Variants in DLG2 observed in about 807,000 individuals in gnomAD.
DLG2 encodes discs large MAGUK scaffold protein 2.
Under a neutral mutation model 132.5 loss-of-function variants are expected in DLG2, and 45 were observed. That is an observed-to-expected ratio of 0.34 (90% CI 0.27 to 0.44). The LOEUF is 0.44. Ranked by LOEUF, DLG2 falls within the 20% of genes least tolerant of loss-of-function variation. The pLI, the probability that DLG2 is intolerant of heterozygous loss-of-function variation, is 1.00. For missense variants in DLG2, 1,045 were observed against 1,196.9 expected, an observed-to-expected ratio of 0.87 and a Z score of 1.87; for synonymous variants, 424 against 419.6, an observed-to-expected ratio of 1.01 and a Z score of -0.13.
intron 9 of DLG2, among the ~76,000 whole-genome samples, chr11:84,139,633 C>T (rs959860319): frequency 6.6e-6 from 1 of 152,048 alleles, no homozygotes; most frequent in Admixed American, 6.6e-5. Context: ...TTATTATCAT[C>T]CCTGCTGTAC....
intron 7 of DLG2, chr11:84,273,089 C>T (rs1369900976): frequency 1.5e-6 from 2 of 1,339,468 alleles, no homozygotes; most frequent in Non-Finnish European, 2.0e-6. Flanking sequence ...ATAGATACAA[C>T]AGGAGAAAAA....
At chr11:85,408,868 T>A (rs2089045923) in intron 3 of DLG2, among the ~76,000 whole-genome samples, 1 of 151,806 alleles carries the variant, frequency 6.6e-6, no homozygotes, top group Admixed American at 6.6e-5. Context: ...CGTGTGCATG[T>A]GTCTTTATAG....
intron 7 of DLG2, among the ~76,000 whole-genome samples, chr11:84,302,359 C>T (rs2098165421): frequency 6.6e-6 from 1 of 152,042 alleles, no homozygotes; most frequent in African/African-American, 2.4e-5. Flanking sequence ...ATGATGTCAA[C>T]AAGAAAAATA....
chr11:83,721,560 C>G (rs2088565577), intron 18 of DLG2, among the ~76,000 whole-genome samples: 1 of 152,206 alleles, frequency 6.6e-6, no homozygotes, highest in Non-Finnish European at 1.5e-5. Flanking sequence ...GTAAAGCATA[C>G]TTGTTTTGCC....
chr11:85,142,940 T>A (rs1174797376), intron 5 of DLG2, among the ~76,000 whole-genome samples: 2 of 151,780 alleles, frequency 1.3e-5, no homozygotes, highest in Non-Finnish European at 3.0e-5. Context: ...TAATTTGTTA[T>A]TGAATTTGGT....
intron 7 of DLG2, among the ~76,000 whole-genome samples, chr11:84,468,712 T>TAA (rs563437788): frequency 2.0e-5 from 3 of 151,496 alleles, no homozygotes; most frequent in African/African-American, 7.3e-5. Context: ...CTTACTTAGG[T>TAA]AAAAAAAATC....
chr11:85,510,442 A>G (rs1209036753), intron 3 of DLG2, among the ~76,000 whole-genome samples: 1 of 152,142 alleles, frequency 6.6e-6, no homozygotes, highest in African/African-American at 2.4e-5. Context: ...CAACCTACAG[A>G]ATGGGAGAAA....
At chr11:83,676,537 G>A (rs2077723096) in intron 18 of DLG2, among the ~76,000 whole-genome samples, 1 of 152,296 alleles carries the variant, frequency 6.6e-6, no homozygotes, top group Admixed American at 6.5e-5. Context: ...TATTTACTGT[G>A]CCAGATACTT....
intron 6 of DLG2, among the ~76,000 whole-genome samples, chr11:85,046,024 T>C (rs1299006185): frequency 6.6e-6 from 1 of 152,026 alleles, no homozygotes; most frequent in Admixed American, 6.6e-5. Flanking sequence ...GTCTCAGGTT[T>C]AGTAGGAAGC....
chr11:85,266,610 T>TA (rs59064522), intron 4 of DLG2, among the ~76,000 whole-genome samples: 5 of 150,540 alleles, frequency 3.3e-5, no homozygotes, highest in South Asian at 4.2e-4. Context: ...AAGTATAATT[T>TA]AAAAAAAAAG....
At chr11:84,938,260 T>C (rs955462037) in intron 6 of DLG2, among the ~76,000 whole-genome samples, 1 of 152,164 alleles carries the variant, frequency 6.6e-6, no homozygotes, top group Non-Finnish European at 1.5e-5. Context: ...ACAGGGTTCT[T>C]AGATACCCAA....
intron 3 of DLG2, among the ~76,000 whole-genome samples, chr11:85,372,778 C>T (rs139027550): frequency 1.3e-5 from 2 of 152,316 alleles, no homozygotes; most frequent in African/African-American, 2.4e-5. Context: ...GCCAAGGTTG[C>T]CAGAACTCAG....
At chr11:84,373,352 C>T (rs1449072337) in intron 7 of DLG2, among the ~76,000 whole-genome samples, 7 of 150,564 alleles carry the variant, frequency 4.6e-5, no homozygotes, top group Middle Eastern at 3.5e-3. Context: ...GGTAGATCAC[C>T]TAAGCTCAGG....
intron 6 of DLG2, among the ~76,000 whole-genome samples, chr11:84,902,068 T>C (rs1185965356): frequency 6.6e-6 from 1 of 152,146 alleles, no homozygotes; most frequent in Non-Finnish European, 1.5e-5. Context: ...TATGTACAAA[T>C]GTTAAGCTAA....
chr11:84,762,662 T>C (rs1264177478), intron 6 of DLG2, among the ~76,000 whole-genome samples: 1 of 152,194 alleles, frequency 6.6e-6, no homozygotes, highest in African/African-American at 2.4e-5. Flanking sequence ...AAATTTCACA[T>C]TGGAGATCCT....
chr11:83,859,786 C>T (rs1164614869), intron 16 of DLG2, among the ~76,000 whole-genome samples: 1 of 152,108 alleles, frequency 6.6e-6, no homozygotes, highest in East Asian at 1.9e-4. Context: ...TATGGCAGCC[C>T]CTCCCTTCAC....
intron 8 of DLG2, among the ~76,000 whole-genome samples, chr11:84,169,376 A>C (rs961584754): frequency 1.3e-5 from 2 of 152,232 alleles, no homozygotes; most frequent in Non-Finnish European, 2.9e-5. Context: ...TAAGGGTCAC[A>C]AAATTTGTCT....
chr11:85,498,977 A>T (rs545031812), intron 3 of DLG2, among the ~76,000 whole-genome samples: 2 of 152,328 alleles, frequency 1.3e-5, no homozygotes, highest in African/African-American at 2.4e-5. Flanking sequence ...AAATGCCCAC[A>T]AGAGAAAGCT....
intron 6 of DLG2, among the ~76,000 whole-genome samples, chr11:84,736,809 T>C (rs2063893260): frequency 6.6e-6 from 1 of 152,024 alleles, no homozygotes; most frequent in Non-Finnish European, 1.5e-5. Context: ...AGATATGACA[T>C]GTCATCTGTA....
Sources: allele counts gnomAD v4.1 joint callset (sites outside exome capture counted in the v4.1 genomes callset), GRCh38; gene constraint gnomAD v4.1.1; transcripts MANE v1.5; gene names NCBI Gene and HGNC (gene_info 2026-07-23, HGNC 2026-07-21).